The following BCAS4 variants were observed in gnomAD, a reference collection of about 807,000 sequenced individuals.
BCAS4 encodes the protein breast carcinoma amplified sequence 4.
In BCAS4, 9 loss-of-function variants were observed where a neutral mutation model predicts 15.7. The ratio of observed to expected loss-of-function variants is 0.57; its 90% confidence interval spans 0.34 to 1.00. The LOEUF is 1.00. BCAS4 is among the 50% of genes least tolerant of loss of function. The pLI is 0.02. For synonymous variants in BCAS4, 101 were observed against 99.5 expected (o/e 1.02, Z -0.09); for missense variants, 225 against 239.1 (o/e 0.94, Z 0.39).
Position 50,835,490 on chromosome 20 carries a change from C to T in BCAS4, c.264+5110C>T, listed in dbSNP as rs138035556. Among the ~76,000 whole-genome samples, 944 of 152,102 alleles carry T rather than the reference C, an allele frequency of 6.2e-3. 7 individuals are homozygous for T. The highest frequency in any genetic ancestry group is 0.021 in the African/African-American group (875 of 41,496). ...TGATCTCTTGACCTTGTGATCCACC[C>T]GCCTCGGCCTCCTAAAGTGCTGGGA... On this transcript the variant is annotated intron_variant, in intron 3 of 4. Coordinates refer to ENST00000371608, the MANE Select transcript of BCAS4 (RefSeq NM_198799.4).
rs1356677012 is a variant in BCAS4 at position 50,851,743 on chromosome 20, C to A, written c.399+9843C>A. ...TTTGCGGCCTTTGCACATGCCGGTT[C>A]CCCTCCCTGGAAAACCCTTCCCGCT... On this transcript the variant is annotated intron_variant, in intron 4 of 4. Coordinates refer to ENST00000371608, the MANE Select transcript of BCAS4 (RefSeq NM_198799.4). The surrounding 1 kb of genome is among the most constrained non-coding windows in gnomAD (Gnocchi z 4.3). Among the ~76,000 whole-genome samples the A allele has an allele frequency of 6.6e-6, 1 of 152,124 alleles. No individual in the cohort carries two copies. Among genetic ancestry groups the A allele is most frequent in the Non-Finnish European group, 1.5e-5 (1 of 68,016 alleles).
intron 4 of BCAS4, among the ~76,000 whole-genome samples, chr20:50,842,928 C>T (rs2123810039): frequency 6.6e-6 from 1 of 152,296 alleles, no homozygotes; most frequent in Middle Eastern, 3.4e-3. Flanking sequence ...CCTGTCCACA[C>T]CTTATCTCCA....
At chr20:50,797,308 G>A (rs551147798) in intron 1 of BCAS4, among the ~76,000 whole-genome samples, 4 of 152,292 alleles carry the variant, frequency 2.6e-5, no homozygotes, top group African/African-American at 9.6e-5. Context: ...AGTTGTGTTG[G>A]TTGCACAAAT....
intron 4 of BCAS4, among the ~76,000 whole-genome samples, chr20:50,854,129 T>A (rs1029958261): frequency 1.3e-5 from 2 of 152,026 alleles, no homozygotes; most frequent in African/African-American, 4.8e-5. Flanking sequence ...CTTATAAATA[T>A]GGAAAAGAAT....
chr20:50,866,129 G>C (rs148331967), intron 4 of BCAS4, among the ~76,000 whole-genome samples: 2 of 152,168 alleles, frequency 1.3e-5, no homozygotes, highest in Non-Finnish European at 2.9e-5. Context: ...CTCCAAGCCC[G>C]CTTTCTCATC....
chr20:50,841,288 C>G (rs1463979090), intron 3 of BCAS4, among the ~76,000 whole-genome samples: 1 of 152,200 alleles, frequency 6.6e-6, no homozygotes, highest in Admixed American at 6.5e-5. Context: ...GAATATACAG[C>G]ACATCCACTA....
chr20:50,860,894 AG>A (rs1326426569), intron 4 of BCAS4, among the ~76,000 whole-genome samples: 1 of 151,744 alleles, frequency 6.6e-6, no homozygotes, highest in Non-Finnish European at 1.5e-5. Context: ...TAAAAGAAAA[AG>A]ACAAAGAGTG....
rs965295871 is a variant in BCAS4, at chr20:50,813,674, C to CTTTTTT, written c.91-4517_91-4512dup. Among the ~76,000 whole-genome samples the CTTTTTT allele has an allele frequency of 2.8e-3, 233 of 82,378 alleles. 11 individuals carry two copies. The highest frequency in any genetic ancestry group is 8.9e-3 in the African/African-American group (155 of 17,472). The allele number at this position is 82,378 out of a possible 152,430, so 54.0% of individuals were successfully genotyped here. A position where few individuals can be genotyped will look rare whatever the true frequency, so the allele number is the denominator to read the frequency against. ...TTAGAGAAGATCATGGGTGGAGGAC[C>CTTTTTT]TTTTTTTTTTTTTTTTTTTTTTTTT... On this transcript the variant is annotated intron_variant, in intron 1 of 4. Transcript: ENST00000371608.
chr20:50,805,511 CA>C (rs2087978329), intron 1 of BCAS4, among the ~76,000 whole-genome samples: 1 of 152,180 alleles, frequency 6.6e-6, no homozygotes, highest in Non-Finnish European at 1.5e-5. Context: ...CTACCTGGCA[CA>C]AGCTGGGGCC....
intron 4 of BCAS4, among the ~76,000 whole-genome samples, chr20:50,873,931 A>G (rs1979785703): frequency 6.6e-6 from 1 of 152,146 alleles, no homozygotes; most frequent in African/African-American, 2.4e-5. Flanking sequence ...ATGTCAGAGC[A>G]TGTTTTAGCT....
intron 4 of BCAS4, among the ~76,000 whole-genome samples, chr20:50,856,727 G>A (rs1032045907): frequency 2.6e-5 from 4 of 152,306 alleles, no homozygotes; most frequent in Admixed American, 6.5e-5. Context: ...ACATGGGGGC[G>A]CTGCTTGCAG....
At chr20:50,873,674 C>T (rs184455309) in intron 4 of BCAS4, among the ~76,000 whole-genome samples, 22 of 152,256 alleles carry the variant, frequency 1.4e-4, no homozygotes, top group Middle Eastern at 6.8e-3. Context: ...ATCAGGGGGA[C>T]GTGTGTCCAC....
At chr20:50,807,995 C>T (rs942846881) in intron 1 of BCAS4, among the ~76,000 whole-genome samples, 5 of 151,408 alleles carry the variant, frequency 3.3e-5, no homozygotes, top group African/African-American at 1.2e-4. Context: ...GCAGGCTCCG[C>T]CTCCTGGGTT....
intron 3 of BCAS4, among the ~76,000 whole-genome samples, chr20:50,835,290 G>A (rs2123797916): frequency 6.8e-6 from 1 of 147,866 alleles, no homozygotes; most frequent in South Asian, 2.1e-4. Context: ...GTGTCTCCAG[G>A]CTGGAGTGCA....
chr20:50,832,622 A>G (rs2088357761), intron 3 of BCAS4: 2 of 152,268 alleles, frequency 1.3e-5, no homozygotes, highest in Admixed American at 1.3e-4. Context: ...TTATGGGGCT[A>G]AAGTCAAGGT....
chr20:50,861,253 G>A (rs1355188949), intron 4 of BCAS4, among the ~76,000 whole-genome samples: 4 of 152,194 alleles, frequency 2.6e-5, no homozygotes, highest in African/African-American at 4.8e-5. Context: ...TGGGGCAGAC[G>A]AGTTCCCTGC....
intron 4 of BCAS4, among the ~76,000 whole-genome samples, chr20:50,857,414 A>C (rs1978822578): frequency 6.6e-6 from 1 of 152,176 alleles, no homozygotes; most frequent in African/African-American, 2.4e-5. Context: ...TACAGGCTTG[A>C]GCCACCTCAC....
intron 1 of BCAS4, among the ~76,000 whole-genome samples, chr20:50,800,451 T>C (rs1310621461): frequency 2.0e-5 from 3 of 151,912 alleles, no homozygotes; most frequent in Non-Finnish European, 4.4e-5. Flanking sequence ...GAGGAGCTGC[T>C]GAGGGGCGGT....
intron 2 of BCAS4, among the ~76,000 whole-genome samples, chr20:50,829,536 C>A (rs546463439): frequency 1.4e-4 from 22 of 151,962 alleles, no homozygotes; most frequent in Non-Finnish European, 2.4e-4. Flanking sequence ...AGCCACCACG[C>A]CCAGCCGCTC....
Sources: allele counts gnomAD v4.1 joint callset (sites outside exome capture counted in the v4.1 genomes callset), GRCh38; gene constraint gnomAD v4.1.1; non-coding constraint Gnocchi (gnomAD v3.1); transcripts MANE v1.5; gene names NCBI Gene and HGNC (gene_info 2026-07-23, HGNC 2026-07-21).